CSPP1: variants seen among roughly 807,000 people sequenced by gnomAD.
CSPP1 encodes centrosome and spindle pole associated protein 1.
Under a neutral mutation model 164.4 loss-of-function variants are expected in CSPP1, and 126 were observed. That is an observed-to-expected ratio of 0.77 (90% confidence interval 0.66 to 0.89). The LOEUF (loss-of-function observed/expected upper bound fraction) is 0.89. Among genes scored for constraint, CSPP1 ranks in the 40% least tolerant of loss-of-function variants. The pLI is 0.00. For synonymous variants in CSPP1, 472 were observed against 476.7 expected, an observed-to-expected ratio of 0.99 and a Z score of 0.13; for missense variants, 1,395 against 1,449.8, an observed-to-expected ratio of 0.96 and a Z score of 0.61.
intron 9 of CSPP1, among the ~76,000 whole-genome samples, chr8:67,110,829 A>G (rs1057145683): frequency 6.6e-6 from 1 of 151,474 alleles, no homozygotes; most frequent in Non-Finnish European, 1.5e-5. Context: ...TATTTTGTGT[A>G]TTTTGCGCAG....
chr8:67,127,662 A>T lies in CSPP1; in HGVS notation c.1698-4289A>T, dbSNP rs142998078. Among the ~76,000 whole-genome samples the T allele has an allele frequency of 2.7e-3, 408 of 152,306 alleles. 2 individuals are homozygous for T. Among genetic ancestry groups the T allele is most frequent in the African/African-American group, 9.6e-3 (398 of 41,566 alleles). ...AGTAGCAGGTTTTCTTAAAGTTCTT[A>T]TTCTGCCATTCTAGAAGTGCTTTCT... On this transcript the variant is annotated intron_variant, in intron 15 of 30. Coordinates refer to ENST00000678616, the MANE Select transcript of CSPP1 (RefSeq NM_001382391.1).
At chr8:67,073,962 T>C (rs1236393295) in intron 1 of CSPP1, among the ~76,000 whole-genome samples, 1 of 152,176 alleles carries the variant, frequency 6.6e-6, no homozygotes, top group East Asian at 1.9e-4. Context: ...TTAAAGAGCT[T>C]TTTGTTTGCT....
intron 1 of CSPP1, among the ~76,000 whole-genome samples, chr8:67,073,250 A>G (rs1477164559): frequency 1.3e-5 from 2 of 152,192 alleles, no homozygotes; most frequent in Non-Finnish European, 2.9e-5. Context: ...AACATCACTA[A>G]CAAGGGGCAG....
intron 28 of CSPP1, among the ~76,000 whole-genome samples, chr8:67,188,357 A>G (rs1467497192): frequency 1.3e-5 from 2 of 152,348 alleles, no homozygotes; most frequent in Admixed American, 1.3e-4. Flanking sequence ...ACCCACCTTT[A>G]AACACAGGGC....
intron 1 of CSPP1, among the ~76,000 whole-genome samples, chr8:67,072,251 G>T (rs1355653002): frequency 6.6e-6 from 1 of 151,444 alleles, no homozygotes; most frequent in Non-Finnish European, 1.5e-5. Flanking sequence ...TTGCGCTACT[G>T]CACTCCAGCC....
In CSPP1 at chr8:67,086,061, ATAAAT is replaced by A. The variant is rs763103286; in HGVS notation, c.259_263del (p.Leu87ArgfsTer21). The A allele has an allele frequency of 3.9e-6, 6 of 1,529,598 alleles. No homozygotes were observed. Among genetic ancestry groups the A allele is most frequent in the Non-Finnish European group, 5.4e-6 (6 of 1,103,252 alleles). The allele number at this position is 1,529,598 out of a possible 1,614,324, so 94.8% of individuals were successfully genotyped here. A position where few individuals can be genotyped will look rare whatever the true frequency, so the allele number is the denominator to read the frequency against. On this transcript the variant is annotated frameshift_variant, in exon 4 of 31. Coordinates refer to ENST00000678616, the MANE Select transcript of CSPP1 (RefSeq NM_001382391.1). LOFTEE classifies it high-confidence loss of function. The stretch of plus-strand genomic sequence containing the variant: ...GGAGAAGACTATGAACGGAAGAAAC[ATAAAT>A]TAAAAGAAGAATTGCGGCAAGATTA...
intron 3 of CSPP1, among the ~76,000 whole-genome samples, chr8:67,079,302 C>T (rs1451691510): frequency 6.6e-6 from 1 of 152,170 alleles, no homozygotes; most frequent in East Asian, 1.9e-4. Context: ...GGCATGGGCT[C>T]AAAATCAAAA....
chr8:67,138,030 A>G (rs1004307761), intron 17 of CSPP1, among the ~76,000 whole-genome samples: 7 of 152,218 alleles, frequency 4.6e-5, no homozygotes, highest in African/African-American at 1.7e-4. Flanking sequence ...TTATCTATGC[A>G]ATATACCTGC....
In CSPP1 at chr8:67,167,483, G is replaced by T. The variant is rs1237832244; in HGVS notation, c.2828+2975G>T. Among the ~76,000 whole-genome samples, 57 of 149,220 alleles carry T rather than the reference G, an allele frequency of 3.8e-4. No homozygotes were observed. In the Middle Eastern group the frequency reaches 0.01, roughly 27 times the overall value. ...GATGGGGCGGCTGCTGGGCGGAGGG[G>T]CTCCTCACTTCCCAGACGGGGCAGC... is the stretch of plus-strand genomic sequence containing the variant. On this transcript the variant is annotated intron_variant, in intron 24 of 30. Transcript: ENST00000678616.
chr8:67,172,554 A>G lies in CSPP1; in HGVS notation c.2967A>G (p.Arg989=), dbSNP rs2129567311. 2 of 1,609,970 alleles carry G rather than the reference A, an allele frequency of 1.2e-6. No homozygotes were observed. The highest frequency in any genetic ancestry group is 1.7e-6 in the Non-Finnish European group (2 of 1,177,550). ...ATGATTTTAATGAGCTGAAAGATAGAGGTGAGTAGATTGCTGCTCTTTTAA... is the reference window on the plus strand; with the variant it reads ...ATGATTTTAATGAGCTGAAAGATAGGGGTGAGTAGATTGCTGCTCTTTTAA... ...NVHDFNELKD[R]DSETRVDLKF... The change falls in exon 25 of 31, where the codon AGA becomes AGG. Residue 989 remains arginine (R), a splice_region_variant and synonymous_variant. Transcript: ENST00000678616.
At chr8:67,180,523 GATAC>G (rs947683349) in intron 28 of CSPP1, among the ~76,000 whole-genome samples, 1 of 152,060 alleles carries the variant, frequency 6.6e-6, no homozygotes, top group Admixed American at 6.6e-5. Flanking sequence ...TGCAGGGGTA[GATAC>G]ATACATGTAA....
chr8:67,092,335 A>G (rs113439687), intron 5 of CSPP1, among the ~76,000 whole-genome samples: 97 of 152,264 alleles, frequency 6.4e-4, no homozygotes, highest in African/African-American at 2.1e-3. Flanking sequence ...GTAATAAAGC[A>G]CTGTACACCT....
chr8:67,091,749 C>A (rs1209774207), intron 4 of CSPP1, 54 bp from the exon 5 acceptor site: 2 of 552,120 alleles, frequency 3.6e-6, no homozygotes, highest in Non-Finnish European at 6.0e-6. Context: ...ATTTATGCAA[C>A]ATATTTTATA....
At chr8:67,177,861 G>A (rs2129569750) in intron 27 of CSPP1, 135 bp downstream of exon 27, 1 of 721,918 alleles carries the variant, frequency 1.4e-6, no homozygotes, top group East Asian at 2.5e-5. Flanking sequence ...TCAGTAAAGT[G>A]GATAGCTTGA....
chr8:67,177,508 T>TGGATGCAG (rs1831981565), intron 26 of CSPP1, among the ~76,000 whole-genome samples, 172 bp from the exon 27 acceptor site: 1 of 152,270 alleles, frequency 6.6e-6, no homozygotes, highest in African/African-American at 2.4e-5. Context: ...GCAGCTAGAA[T>TGGATGCAG]GGATGCAGGG....
chr8:67,190,365 A>T (rs1835871499), intron 28 of CSPP1, among the ~76,000 whole-genome samples: 1 of 152,182 alleles, frequency 6.6e-6, no homozygotes, highest in South Asian at 2.1e-4. Context: ...AGGTAAGGTA[A>T]ATCTGTTGAA....
rs751572039 is a variant in CSPP1 at position 67,161,896 on chromosome 8, T to G, written c.2624T>G (p.Ile875Ser). The change falls in exon 22 of 31, where the codon ATC becomes AGC. Residue 875 changes from isoleucine to serine, a missense_variant. By Grantham distance (142) the Ile-to-Ser change is moderately radical. Transcript: ENST00000678616. ...KLQRPPSVDS[I>S]IRSFIHESSM... ...CAAAGACCTCCTTCAGTTGACAGCA[T>G]CATACGTTCCTTTATTCATGTATGT... 8.7e-6 allele frequency: 14 copies of G among 1,608,882 alleles called. No individual in the cohort carries two copies. Among genetic ancestry groups the G allele is most frequent in the Non-Finnish European group, 1.1e-5 (13 of 1,175,388 alleles).
chr8:67,161,809 A>G lies in CSPP1; in HGVS notation c.2539-2A>G. On this transcript the variant is annotated splice_acceptor_variant, in intron 21 of 30. Coordinates refer to ENST00000678616, the MANE Select transcript of CSPP1 (RefSeq NM_001382391.1). LOFTEE classifies it high-confidence loss of function. The stretch of plus-strand genomic sequence containing the variant: ...TGCTCTTAAATTTTTTAAATTTTTC[A>G]GCACATGAGACAGCCTTCTCCTATA... The G allele has an allele frequency of 6.2e-7, 1 of 1,605,968 alleles. No individual in the cohort carries two copies. The highest frequency in any genetic ancestry group is 1.3e-5 in the African/African-American group (1 of 74,860).
chr8:67,139,247 C>T (rs1822990149), intron 17 of CSPP1, among the ~76,000 whole-genome samples: 1 of 152,196 alleles, frequency 6.6e-6, no homozygotes, highest in African/African-American at 2.4e-5. Context: ...AAAAAATGCT[C>T]ATCATCACTG....
Sources: allele counts gnomAD v4.1 joint callset (sites outside exome capture counted in the v4.1 genomes callset), GRCh38; gene constraint gnomAD v4.1.1; transcripts MANE v1.5; gene names NCBI Gene and HGNC (gene_info 2026-07-23, HGNC 2026-07-21).